The following PSMD5 variants were observed in gnomAD, a reference collection of about 807,000 sequenced individuals.
PSMD5 encodes the protein proteasome 26S subunit, non-ATPase 5.
In PSMD5, 40 loss-of-function variants were observed where a neutral mutation model predicts 52.1. The ratio of observed to expected loss-of-function variants is 0.77; its 90% CI spans 0.60 to 1.00. PSMD5 has a LOEUF of 1.00. Among genes scored for constraint, PSMD5 ranks in the 50% least tolerant of loss-of-function variants. The pLI is 0.00. For synonymous variants in PSMD5, 211 were observed against 226.6 expected, an observed-to-expected ratio of 0.93 and a Z score of 0.62; for missense variants, 575 against 605.2, an observed-to-expected ratio of 0.95 and a Z score of 0.52.
intron 1 of PSMD5, among the ~76,000 whole-genome samples, chr9:120,837,759 A>G (rs2045208223): frequency 6.6e-6 from 1 of 152,240 alleles, no homozygotes; most frequent in Non-Finnish European, 1.5e-5. Flanking sequence ...CTATTTACTC[A>G]AAGAGAAAAG....
At chr9:120,824,109 T>TAA (rs34305055) in intron 7 of PSMD5, 194 of 111,894 alleles carry the variant, frequency 1.7e-3, no homozygotes, top group South Asian at 4.5e-3. Flanking sequence ...CTCAATCTCT[T>TAA]AAAAAAAAAA....
intron 4 of PSMD5, 77 bp from the exon 5 acceptor site, chr9:120,829,285 A>G: frequency 7.2e-7 from 1 of 1,382,266 alleles, no homozygotes; most frequent in East Asian, 2.5e-5. Flanking sequence ...ATTTTAAGTT[A>G]AATGTAGGAC....
chr9:120,824,090 A>G (rs1281051942), intron 7 of PSMD5: 1 of 185,310 alleles, frequency 5.4e-6, no homozygotes, highest in East Asian at 1.7e-4. Flanking sequence ...TGGGTAACAG[A>G]GAGACACTCT....
chr9:120,840,263 A>T (rs1006263202), intron 1 of PSMD5, among the ~76,000 whole-genome samples: 1 of 148,242 alleles, frequency 6.7e-6, no homozygotes, highest in Non-Finnish European at 1.5e-5. Flanking sequence ...AGCTGGGACT[A>T]TAGGCACGCA....
chr9:120,832,172 T>C (rs1326077505), intron 2 of PSMD5, among the ~76,000 whole-genome samples: 1 of 152,218 alleles, frequency 6.6e-6, no homozygotes, highest in Admixed American at 6.5e-5. Context: ...AGAGGTAAGA[T>C]AGTTCAGTGA....
Position 120,842,868 on chromosome 9 carries a change from C to T in PSMD5, c.42G>A (p.Arg14=). Residue 14 remains arginine, a synonymous_variant, in exon 1 of 10, where the codon AGG becomes AGA. Transcript: ENST00000210313. ...QALALLREVA[R]LEAPLEELRA... ...GTAGCTCCTCCAGCGGCGCTTCCAG[C>T]CTCGCTACCTCTCTCAGCAGCGCCA... 1 of 1,602,388 alleles carries T rather than the reference C, an allele frequency of 6.2e-7. No individual in the cohort carries two copies. Among genetic ancestry groups the T allele is most frequent in the Non-Finnish European group, 8.5e-7 (1 of 1,177,766 alleles).
intron 9 of PSMD5, among the ~76,000 whole-genome samples, chr9:120,820,570 G>C (rs2045076574): frequency 1.3e-5 from 2 of 152,212 alleles, no homozygotes; most frequent in South Asian, 4.1e-4. Flanking sequence ...ACCAGGGCTA[G>C]GTTAATAGAG....
rs1218098099 is a variant in PSMD5 at position 120,818,115 on chromosome 9, C to G, written c.1306G>C (p.Gly436Arg). The change falls in exon 10 of 10, where the codon GGT becomes CGT. Residue 436 changes from glycine to arginine, a missense_variant. Gly to Arg is a moderately radical substitution (Grantham distance 125). Transcript: ENST00000210313. ...CGGTCCACCACATATTCTACAAAAC[C>G]TGGACTGTTAAACATAAGTTTCTGA... is the stretch of plus-strand genomic sequence containing the variant. The part of the protein sequence containing the change: ...WAQKLMFNSP[G>R]FVEYVVDRSV... The G allele has an allele frequency of 4.3e-6, 7 of 1,614,072 alleles. No homozygotes were observed. Among genetic ancestry groups the G allele is most frequent in the Admixed American group, 1.7e-5 (1 of 60,002 alleles).
intron 5 of PSMD5, among the ~76,000 whole-genome samples, chr9:120,828,576 T>G (rs1057396590): frequency 2.7e-5 from 4 of 150,834 alleles, no homozygotes; most frequent in Non-Finnish European, 5.9e-5. Flanking sequence ...TATAGGCACA[T>G]GCCACCATAC....
intron 1 of PSMD5, among the ~76,000 whole-genome samples, chr9:120,834,541 T>G (rs1215292473): frequency 6.6e-6 from 1 of 152,070 alleles, no homozygotes; most frequent in East Asian, 1.9e-4. Context: ...TAAGACATAG[T>G]ATTATACTTT....
rs765662793 is a variant in PSMD5, at chr9:120,821,375, A to G, written c.1096T>C (p.Ser366Pro). The G allele has an allele frequency of 6.3e-7, 1 of 1,599,720 alleles. No homozygotes were observed. The highest frequency in any genetic ancestry group is 8.5e-7 in the Non-Finnish European group (1 of 1,169,900). ...ELKIRCLDAISSLLYLPPEQQ... is the reference protein window; with the variant it reads ...ELKIRCLDAIPSLLYLPPEQQ... Reference sequence around the variant, plus strand: ...CTTACTGGTAAGTACAGAAGAGATGAAATTGCATCCAAACATCTAATTTTT... The same window carrying G: ...CTTACTGGTAAGTACAGAAGAGATGGAATTGCATCCAAACATCTAATTTTT... Residue 366 changes from serine (S) to proline (P), a missense_variant, in exon 8 of 10, where the codon TCA becomes CCA. Physicochemically the swap from Ser to Pro is moderately conservative, Grantham distance 74 (BLOSUM62 -1). Coordinates refer to ENST00000210313, the MANE Select transcript of PSMD5 (RefSeq NM_005047.4).
chr9:120,822,275 A>G (rs1227886817), intron 7 of PSMD5, among the ~76,000 whole-genome samples: 2 of 152,186 alleles, frequency 1.3e-5, no homozygotes, highest in Non-Finnish European at 2.9e-5. Context: ...ACATAATTAC[A>G]CGCAACACAG....
intron 2 of PSMD5, 84 bp from the exon 3 acceptor site, chr9:120,832,029 A>G: frequency 6.6e-7 from 1 of 1,524,520 alleles, no homozygotes; most frequent in East Asian, 2.3e-5. Flanking sequence ...CTTAGTGCAC[A>G]GTTATTTTAG....
intron 4 of PSMD5, among the ~76,000 whole-genome samples, chr9:120,829,479 T>C (rs528224464): frequency 6.6e-6 from 1 of 152,310 alleles, no homozygotes; most frequent in South Asian, 2.1e-4. Context: ...CTGCAACCTC[T>C]GCCTCTTGAG....
At chr9:120,822,612 A>G (rs978779895) in intron 7 of PSMD5, among the ~76,000 whole-genome samples, 17 of 151,664 alleles carry the variant, frequency 1.1e-4, no homozygotes, top group Non-Finnish European at 1.9e-4. Flanking sequence ...GCAATGGCGC[A>G]ATCTCGACTC....
chr9:120,842,600 C>G, intron 1 of PSMD5, 137 bp downstream of exon 1: 3 of 1,063,086 alleles, frequency 2.8e-6, no homozygotes, highest in Non-Finnish European at 4.0e-6. Flanking sequence ...AACCCAGGAT[C>G]CTTCCTTCTC....
chr9:120,819,116 A>C (rs2045065480), intron 9 of PSMD5, among the ~76,000 whole-genome samples: 1 of 152,252 alleles, frequency 6.6e-6, no homozygotes, highest in Non-Finnish European at 1.5e-5. Context: ...TCCAAATTTT[A>C]AGATTAAGTT....
intron 4 of PSMD5, among the ~76,000 whole-genome samples, chr9:120,831,049 A>G (rs2045156291): frequency 6.6e-6 from 1 of 152,076 alleles, no homozygotes; most frequent in Non-Finnish European, 1.5e-5. Context: ...ATGCACAGCT[A>G]ATTTTTAAAA....
chr9:120,821,237 G>T, intron 8 of PSMD5, 118 bp downstream of exon 8: 1 of 770,346 alleles, frequency 1.3e-6, no homozygotes, highest in Non-Finnish European at 2.0e-6. Context: ...AATGTCACTA[G>T]TCATATAATG....
Sources: allele counts gnomAD v4.1 joint callset (sites outside exome capture counted in the v4.1 genomes callset), GRCh38; gene constraint gnomAD v4.1.1; transcripts MANE v1.5; gene names NCBI Gene and HGNC (gene_info 2026-07-23, HGNC 2026-07-21).